The following LMBR1 variants were observed in gnomAD, a reference collection of about 807,000 sequenced individuals.
LMBR1 encodes the protein limb region 1 protein homolog.
A neutral mutation model predicts 73.9 loss-of-function variants in LMBR1; 52 were observed. The observed-to-expected ratio is 0.70, with a 90% CI of 0.56 to 0.89. The LOEUF is 0.89. Among genes scored for constraint, LMBR1 ranks in the 40% least tolerant of loss-of-function variants. The pLI, the probability that LMBR1 is intolerant of heterozygous loss-of-function variation, is 0.00. For synonymous variants in LMBR1, 215 were observed against 209.4 expected (o/e 1.03, Z -0.23); for missense variants, 539 against 579.8 (o/e 0.93, Z 0.72).
rs1382732256 is a variant in LMBR1, at chr7:156,831,368, A to G, written c.179+2385T>C. Among the ~76,000 whole-genome samples, 4 of 151,670 alleles carry G rather than the reference A, an allele frequency of 2.6e-5. No homozygotes were observed. The South Asian group carries it at 6.2e-4, about 24-fold the overall frequency. On this transcript the variant is annotated intron_variant, in intron 3 of 16. Transcript: ENST00000353442. The stretch of plus-strand genomic sequence containing the variant: ...TCTGTTTTACATACACAGAAAGTGA[A>G]TATTTGTTTCTCCATCTCTTCTGGA...
chr7:156,870,801 A>G (rs775085909), intron 1 of LMBR1, among the ~76,000 whole-genome samples: 24 of 151,876 alleles, frequency 1.6e-4, no homozygotes, highest in Non-Finnish European at 3.5e-4. Flanking sequence ...AACACAATAT[A>G]CCAAAACTTA....
chr7:156,835,125 C>T (rs1237712899), intron 2 of LMBR1, among the ~76,000 whole-genome samples: 2 of 151,758 alleles, frequency 1.3e-5, no homozygotes, highest in South Asian at 2.1e-4. Context: ...GGTGACAGGG[C>T]GAGACTTGTC....
At chr7:156,713,477 T>C (rs1812530635) in intron 15 of LMBR1, among the ~76,000 whole-genome samples, 1 of 152,144 alleles carries the variant, frequency 6.6e-6, no homozygotes, top group Non-Finnish European at 1.5e-5. Flanking sequence ...GGGAAGGCTC[T>C]GCATGTGGGG....
At position 156,681,297 on chromosome 7, in the gene LMBR1, G is replaced by C; in HGVS notation, c.*2781C>G. On this transcript the variant is annotated 3_prime_UTR_variant, in exon 17 of 17. Transcript: ENST00000353442. ...ACACGTGCGCCTTTAACACATCTGA[G>C]AGCAAAACGCGAGAGGCTCCGTCCA... The C allele has an allele frequency of 2.6e-6, 1 of 385,990 alleles. No individual in the cohort carries two copies. The highest frequency in any genetic ancestry group is 5.0e-6 in the Non-Finnish European group (1 of 200,658). The allele number at this position is 385,990 out of a possible 1,614,324, so 23.9% of individuals were successfully genotyped here.
At chr7:156,784,666 T>C (rs1563352550) in intron 5 of LMBR1, among the ~76,000 whole-genome samples, 2 of 152,166 alleles carry the variant, frequency 1.3e-5, no homozygotes, top group African/African-American at 2.4e-5. Context: ...CTGCATAATA[T>C]CCTATGGGAA....
chr7:156,710,114 C>A (rs1044092894), intron 15 of LMBR1, among the ~76,000 whole-genome samples: 4 of 151,712 alleles, frequency 2.6e-5, no homozygotes, highest in African/African-American at 7.3e-5. Context: ...ACCATGTCAG[C>A]CAGGATGCTC....
At chr7:156,726,511 A>C (rs1815795452) in intron 12 of LMBR1, among the ~76,000 whole-genome samples, 1 of 152,132 alleles carries the variant, frequency 6.6e-6, no homozygotes, top group Non-Finnish European at 1.5e-5. Flanking sequence ...ATCTGAAAAA[A>C]TCATTCCCTA....
intron 15 of LMBR1, among the ~76,000 whole-genome samples, chr7:156,700,103 T>C (rs986683544): frequency 1.8e-4 from 27 of 152,206 alleles, no homozygotes; most frequent in Non-Finnish European, 1.8e-4. Context: ...CGTATGTTTA[T>C]TGCGGCACTA....
In LMBR1 at chr7:156,698,827, GCTC is replaced by G. The variant is rs1282606262; in HGVS notation, c.1226-10639_1226-10637del. 5.3e-5 allele frequency among the ~76,000 whole-genome samples: 8 copies of G among 152,294 alleles called. No individual in the cohort carries two copies. In the South Asian group the frequency reaches 8.3e-4, roughly 16 times the overall value. Reference sequence around the variant, plus strand: ...CCATTATCTTGGTGATTAACATTCAGCTCCTCATTACTTATGCAAACTTCTGCA... The same window carrying G: ...CCATTATCTTGGTGATTAACATTCAGCTCATTACTTATGCAAACTTCTGCA... On this transcript the variant is annotated intron_variant, in intron 15 of 16. Transcript: ENST00000353442.
chr7:156,671,158 CTT>C (rs968375202), intron 4 of LMBR1, among the ~76,000 whole-genome samples: 2 of 152,108 alleles, frequency 1.3e-5, no homozygotes, highest in African/African-American at 4.8e-5. Context: ...GAATAGAAAA[CTT>C]TAATTGAAAA....
At chr7:156,725,391 G>A (rs1815519735) in intron 14 of LMBR1, 44 bp downstream of exon 14, 6 of 1,156,498 alleles carry the variant, frequency 5.2e-6, no homozygotes, top group Non-Finnish European at 7.6e-6. Context: ...AGTCTGTCAG[G>A]GAAGGCAAAC....
At chr7:156,824,116 ACAAC>A (rs1328489929) in intron 4 of LMBR1, among the ~76,000 whole-genome samples, 113 of 151,286 alleles carry the variant, frequency 7.5e-4, no homozygotes, top group African/African-American at 2.6e-3. Flanking sequence ...AACAACAACA[ACAAC>A]AACAACAATA....
chr7:156,746,716 C>A (rs1196643301), intron 9 of LMBR1, among the ~76,000 whole-genome samples: 1 of 151,980 alleles, frequency 6.6e-6, no homozygotes, highest in African/African-American at 2.4e-5. Flanking sequence ...TAGAGCAATA[C>A]CTAAGGGAGA....
chr7:156,686,220 A>T (rs1279014662), intron 16 of LMBR1, among the ~76,000 whole-genome samples: 1 of 152,194 alleles, frequency 6.6e-6, no homozygotes, highest in Non-Finnish European at 1.5e-5. Context: ...ATGCATTCTG[A>T]AACGTTCTGA....
At chr7:156,876,992 GAAAC>G (rs774792340) in intron 1 of LMBR1, among the ~76,000 whole-genome samples, 129 of 151,686 alleles carry the variant, frequency 8.5e-4, no homozygotes, top group Non-Finnish European at 1.6e-3. Context: ...AAATGAAACT[GAAAC>G]AAACAAACAA....
intron 4 of LMBR1, among the ~76,000 whole-genome samples, chr7:156,671,749 C>G (rs560281336): frequency 1.3e-5 from 2 of 151,024 alleles, no homozygotes; most frequent in South Asian, 4.3e-4. Flanking sequence ...CCTAGTATCT[C>G]ATGTCACCAT....
At chr7:156,750,607 T>G (rs1820699008) in intron 9 of LMBR1, among the ~76,000 whole-genome samples, 1 of 152,208 alleles carries the variant, frequency 6.6e-6, no homozygotes, top group Non-Finnish European at 1.5e-5. Flanking sequence ...CACCAAATTT[T>G]ACTTCCTCTT....
chr7:156,830,907 G>GAAC (rs1193560264), intron 3 of LMBR1, among the ~76,000 whole-genome samples: 1 of 152,174 alleles, frequency 6.6e-6, no homozygotes, highest in Non-Finnish European at 1.5e-5. Flanking sequence ...GAACACAAGC[G>GAAC]AACATTCTTG....
intron 15 of LMBR1, among the ~76,000 whole-genome samples, chr7:156,713,778 C>T (rs952340483): frequency 6.6e-6 from 1 of 152,082 alleles, no homozygotes; most frequent in African/African-American, 2.4e-5. Flanking sequence ...AATTATACCT[C>T]AATAAAGCTG....
Sources: allele counts gnomAD v4.1 joint callset (sites outside exome capture counted in the v4.1 genomes callset), GRCh38; gene constraint gnomAD v4.1.1; transcripts MANE v1.5; gene names NCBI Gene and HGNC (gene_info 2026-07-23, HGNC 2026-07-21).